Variants in FIRRM observed in about 807,000 individuals in gnomAD.
FIRRM encodes FIGNL1-interacting regulator of recombination and mitosis.
chr1:169,830,296 T>A, the FIRRM span: 1 of 1,613,884 alleles, frequency 6.2e-7, no homozygotes, highest in African/African-American at 1.3e-5. Context: ...AGTGCTAATA[T>A]GATCACCTCT....
At chr1:169,816,618 A>C in the FIRRM span, among the ~76,000 whole-genome samples, 3 of 152,194 alleles carry the variant, frequency 2.0e-5, no homozygotes, top group African/African-American at 7.2e-5. Flanking sequence ...CTCAGATAAG[A>C]CTTTTTAAAA....
At chr1:169,806,597 G>A in the FIRRM span, among the ~76,000 whole-genome samples, 1 of 152,194 alleles carries the variant, frequency 6.6e-6, no homozygotes, top group African/African-American at 2.4e-5. Context: ...AGGAGATGTG[G>A]TTGAGATGTA....
At chr1:169,827,814 C>T in the FIRRM span, 1 of 1,613,946 alleles carries the variant, frequency 6.2e-7, no homozygotes, top group Non-Finnish European at 8.5e-7. Context: ...GGTGCACAGA[C>T]AGCCAGGTCT....
At chr1:169,830,949 C>T in the FIRRM span, among the ~76,000 whole-genome samples, 9,875 of 152,208 alleles carry the variant, frequency 0.065, 428 homozygotes, top group Non-Finnish European at 0.099. Context: ...AATGTTTTCT[C>T]ATATTCTCAG....
At chr1:169,794,093 TG>T in the FIRRM span, among the ~76,000 whole-genome samples, 2 of 150,966 alleles carry the variant, frequency 1.3e-5, no homozygotes. Context: ...GGTTCCAAAG[TG>T]GGAGAAGAAA....
chr1:169,827,713 C>T, the FIRRM span: 1 of 1,613,916 alleles, frequency 6.2e-7, no homozygotes, highest in Non-Finnish European at 8.5e-7. Flanking sequence ...CATGTAAGAC[C>T]TGCCATGTGA....
chr1:169,853,666 T>TTAAAAAAAGGGAATCC, the FIRRM span: 1 of 1,601,116 alleles, frequency 6.2e-7, no homozygotes, highest in Non-Finnish European at 8.5e-7. Flanking sequence ...TTGATTTTTT[T>TTAAAAAAAGGGAATCC]TAAAAAAAGG....
At chr1:169,853,307 T>C in the FIRRM span, 1 of 339,680 alleles carries the variant, frequency 2.9e-6, no homozygotes, top group African/African-American at 2.1e-5. Flanking sequence ...TAGCTAAAAT[T>C]TTTTAAAGTT....
chr1:169,800,636 C>G, the FIRRM span, among the ~76,000 whole-genome samples: 1 of 151,536 alleles, frequency 6.6e-6, no homozygotes, highest in East Asian at 1.9e-4. Flanking sequence ...TTAATGATGG[C>G]AGATCCTATT....
chr1:169,803,055 AG>A, the FIRRM span: 4 of 905,608 alleles, frequency 4.4e-6, no homozygotes, highest in Admixed American at 1.1e-4. Context: ...CTGTGAAAAG[AG>A]GAAGAGACTG....
the FIRRM span, chr1:169,849,479 A>G: frequency 1.3e-6 from 2 of 1,561,396 alleles, no homozygotes; most frequent in Non-Finnish European, 1.8e-6. Flanking sequence ...TCTCTATTAT[A>G]ATAAGGCTTG....
At chr1:169,834,882 G>C in the FIRRM span, among the ~76,000 whole-genome samples, 4 of 152,178 alleles carry the variant, frequency 2.6e-5, no homozygotes, top group Admixed American at 6.5e-5. Flanking sequence ...AGAGTGGTTT[G>C]TGATGAATGC....
chr1:169,827,553 G>T, the FIRRM span, among the ~76,000 whole-genome samples: 2 of 152,148 alleles, frequency 1.3e-5, no homozygotes, highest in African/African-American at 4.8e-5. Flanking sequence ...CAGGAGAATC[G>T]CTTGAACCCA....
the FIRRM span, among the ~76,000 whole-genome samples, chr1:169,812,243 G>A: frequency 6.6e-6 from 1 of 152,172 alleles, no homozygotes; most frequent in Non-Finnish European, 1.5e-5. Context: ...AAACAAATAA[G>A]TTGTGTGTCA....
chr1:169,795,123 C>T, the FIRRM span: 2 of 1,535,886 alleles, frequency 1.3e-6, no homozygotes, highest in Admixed American at 3.9e-5. Flanking sequence ...AAGGTGCGGT[C>T]CCAGCTAGCG....
At chr1:169,830,070 T>G in the FIRRM span, among the ~76,000 whole-genome samples, 4 of 152,174 alleles carry the variant, frequency 2.6e-5, no homozygotes, top group Admixed American at 2.0e-4. Flanking sequence ...ACTTAATGTA[T>G]AGTAGGTGCT....
At chr1:169,851,927 A>G in the FIRRM span, 1 of 1,614,108 alleles carries the variant, frequency 6.2e-7, no homozygotes, top group Non-Finnish European at 8.5e-7. Context: ...CAAAGAGGTC[A>G]TCTTTACAGG....
the FIRRM span, chr1:169,853,116 T>A: frequency 9.3e-6 from 8 of 857,728 alleles, no homozygotes; most frequent in African/African-American, 3.4e-5. Context: ...TTATTTGACA[T>A]TTAGAGAACA....
the FIRRM span, chr1:169,793,658 A>C: frequency 6.2e-7 from 1 of 1,612,294 alleles, no homozygotes; most frequent in Non-Finnish European, 8.5e-7. Flanking sequence ...TTCATTTTCC[A>C]GATGGTCTTC....
Sources: allele counts gnomAD v4.1 joint callset (sites outside exome capture counted in the v4.1 genomes callset), GRCh38; gene constraint gnomAD v4.1.1; transcripts MANE v1.5; gene names NCBI Gene and HGNC (gene_info 2026-07-23, HGNC 2026-07-21).